GSDMD: variants seen among roughly 807,000 people sequenced by gnomAD.
The protein encoded by GSDMD is gasdermin D, also known as gasdermin-D.
A neutral mutation model predicts 46.7 loss-of-function variants in GSDMD; 46 were observed. That is an observed-to-expected ratio of 0.99 (90% CI 0.78 to 1.26). The LOEUF is 1.26. Among genes scored for constraint, GSDMD ranks in the 50% most tolerant of loss-of-function variants. The pLI, the probability that GSDMD is intolerant of heterozygous loss-of-function variation, is 0.00. For missense variants in GSDMD, 649 were observed against 638.8 expected, an observed-to-expected ratio of 1.02 and a Z score of -0.17; for synonymous variants, 307 against 283.1, an observed-to-expected ratio of 1.08 and a Z score of -0.85.
chr8:143,559,285 C>CA, intron 1 of GSDMD, 47 bp from the exon 2 acceptor site: 1 of 531,566 alleles, frequency 1.9e-6, no homozygotes, highest in Non-Finnish European at 3.6e-6. Flanking sequence ...CCCACTCCCT[C>CA]CCGCCCGCCC....
intron 1 of GSDMD, 48 bp from the exon 2 acceptor site, chr8:143,559,284 T>G: frequency 1.3e-5 from 3 of 222,474 alleles, no homozygotes; most frequent in Non-Finnish European, 1.7e-5. Flanking sequence ...TCCCACTCCC[T>G]CCCGCCCGCC....
chr8:143,558,862 A>C (rs1193957705), intron 1 of GSDMD: 1 of 512,756 alleles, frequency 2.0e-6, no homozygotes, highest in East Asian at 5.1e-5. Flanking sequence ...AGCCTTGGAC[A>C]GGTGGCTCAT....
At chr8:143,554,666 G>A (rs968717000), upstream of GSDMD, among the ~76,000 whole-genome samples, 6 of 143,070 alleles carry the variant, frequency 4.2e-5, no homozygotes, top group Non-Finnish European at 9.1e-5. Flanking sequence ...GCATACACAC[G>A]TGCACAAACA....
chr8:143,559,651 C>T, intron 2 of GSDMD, 99 bp downstream of exon 2: 1 of 1,433,406 alleles, frequency 7.0e-7, no homozygotes, highest in Non-Finnish European at 9.5e-7. Flanking sequence ...GCCTCTAGCT[C>T]TGGGCCTCTC....
chr8:143,553,649 CCTCCCA>C (rs1823250136), upstream of GSDMD: 1 of 147,494 alleles, frequency 6.8e-6, no homozygotes, highest in African/African-American at 2.4e-5. Context: ...CTCCCTCCCT[CCTCCCA>C]GGCTGACCTC....
At chr8:143,558,596 G>C in intron 1 of GSDMD, 145 bp downstream of exon 1, 2 of 860,334 alleles carry the variant, frequency 2.3e-6, no homozygotes, top group Non-Finnish European at 3.3e-6. Flanking sequence ...GGAAGCTCCA[G>C]GCTTCGGGAA....
chr8:143,561,117 TG>T lies in GSDMD; in HGVS notation c.682+18del. The T allele has an allele frequency of 1.2e-6, 2 of 1,608,954 alleles. No homozygotes were observed. Among genetic ancestry groups the T allele is most frequent in the Non-Finnish European group, 1.7e-6 (2 of 1,176,450 alleles). Reference sequence around the variant, plus strand: ...GACTCTGACTTGGGTGAGCTGGAGTTGGGGGTGTCTCGGGCCCAGGCCCTGG... The same window carrying T: ...GACTCTGACTTGGGTGAGCTGGAGTTGGGGTGTCTCGGGCCCAGGCCCTGG... On this transcript the variant is annotated intron_variant, in intron 5 of 10. Coordinates refer to ENST00000262580, the MANE Select transcript of GSDMD (RefSeq NM_024736.7).
At chr8:143,559,297 G>A (rs374204162) in intron 1 of GSDMD, 35 bp from the exon 2 acceptor site, 123 of 289,874 alleles carry the variant, frequency 4.2e-4, no homozygotes, top group Middle Eastern at 1.2e-3. Context: ...CGCCCGCCCC[G>A]AGAGCACAAT....
Position 143,562,467 on chromosome 8 carries a change from C to G in GSDMD, c.1158C>G (p.His386Gln), listed in dbSNP as rs777154727. 9.9e-6 allele frequency: 16 copies of G among 1,609,168 alleles called. 1 individual carries two copies. The South Asian group carries it at 1.3e-4, about 13-fold the overall frequency. The stretch of plus-strand genomic sequence containing the variant: ...TCCCAGTGCTGAGTGAAACGCAGCA[C>G]AAGCTGCTGGCGGAGGCGCTGGAGT... Reference protein sequence around the residue: ...GALTMLSETQHKLLAEALESQ... With the variant: ...GALTMLSETQQKLLAEALESQ... Residue 386 changes from histidine to glutamine, a missense_variant, in exon 10 of 11, where the codon CAC (histidine) becomes CAG (glutamine). Coordinates refer to ENST00000262580, the MANE Select transcript of GSDMD (RefSeq NM_024736.7).
At chr8:143,559,698 C>G (rs1823402205) in intron 2 of GSDMD, 79 bp from the exon 3 acceptor site, 6 of 1,485,192 alleles carry the variant, frequency 4.0e-6, no homozygotes, top group Admixed American at 4.2e-5. Flanking sequence ...GTCCCTCTGC[C>G]CTGGGGCTGG....
rs2130571978 is a variant in GSDMD at position 143,561,730 on chromosome 8, G to A, written c.737-12G>A. On this transcript the variant is annotated splice_polypyrimidine_tract_variant and intron_variant, in intron 6 of 10. Transcript: ENST00000262580. ...GCACTGACCAGCCCTGCCCTCCCATGCCCCTGCCCAGGCCACAAGCGTTCC... is the reference window on the plus strand; with the variant it reads ...GCACTGACCAGCCCTGCCCTCCCATACCCCTGCCCAGGCCACAAGCGTTCC... The A allele has an allele frequency of 6.3e-7, 1 of 1,599,214 alleles. No homozygotes were observed. The highest frequency in any genetic ancestry group is 1.1e-5 in the South Asian group (1 of 89,314).
chr8:143,561,728 A>G lies in GSDMD; in HGVS notation c.737-14A>G, dbSNP rs780203444. ...CGGCACTGACCAGCCCTGCCCTCCC[A>G]TGCCCCTGCCCAGGCCACAAGCGTT... On this transcript the variant is annotated splice_polypyrimidine_tract_variant and intron_variant, in intron 6 of 10. Transcript: ENST00000262580. The G allele has an allele frequency of 1.3e-6, 2 of 1,598,070 alleles. No homozygotes were observed. The highest frequency in any genetic ancestry group is 1.7e-5 in the Admixed American group (1 of 58,506).
upstream of GSDMD, among the ~76,000 whole-genome samples, chr8:143,557,587 G>T (rs1205227106): frequency 6.6e-6 from 1 of 152,260 alleles, no homozygotes; most frequent in African/African-American, 2.4e-5. Flanking sequence ...GCTAGGAGTG[G>T]AATTGCTGGG....
chr8:143,561,877 C>T (rs1823470430), intron 7 of GSDMD, 49 bp downstream of exon 7: 6 of 1,609,326 alleles, frequency 3.7e-6, no homozygotes, highest in South Asian at 1.1e-5. Context: ...GCTCTCCTGC[C>T]CCCTGGGGTC....
intron 6 of GSDMD, 113 bp from the exon 7 acceptor site, chr8:143,561,629 G>A: frequency 1.0e-6 from 1 of 994,276 alleles, no homozygotes; most frequent in Non-Finnish European, 1.5e-6. Flanking sequence ...TGGGCTGCCA[G>A]TGTTGGCAGT....
upstream of GSDMD, among the ~76,000 whole-genome samples, chr8:143,553,989 C>G (rs954582545): frequency 5.0e-4 from 75 of 148,938 alleles, 11 homozygotes; most frequent in Non-Finnish European, 7.3e-4. Flanking sequence ...AGGCAAGGCC[C>G]GCCCTGCACT....
chr8:143,559,019 C>T (rs1268889125), intron 1 of GSDMD: 2 of 438,640 alleles, frequency 4.6e-6, no homozygotes, highest in East Asian at 7.2e-5. Context: ...CAGCTTGTTT[C>T]CTCCCAGCCA....
In GSDMD at chr8:143,560,591, C is replaced by T; in HGVS notation, c.411-12C>T. On this transcript the variant is annotated splice_polypyrimidine_tract_variant and intron_variant, in intron 3 of 10. Transcript: ENST00000262580. ...CTGCGGCCCAGCGAGCTTTGCTGCT[C>T]CTCGGACACAGGCACCTGCGGCAGC... 1.3e-6 allele frequency: 2 copies of T among 1,571,542 alleles called. No homozygotes were observed. The highest frequency in any genetic ancestry group is 1.2e-5 in the South Asian group (1 of 85,942).
Position 143,563,048 on chromosome 8 carries a change from G to A in GSDMD, c.*144G>A. 1 of 1,073,114 alleles carries A rather than the reference G, an allele frequency of 9.3e-7. No homozygotes were observed. Among genetic ancestry groups the A allele is most frequent in the South Asian group, 1.3e-5 (1 of 75,028 alleles). 66.5% of individuals were successfully genotyped at this position (1,073,114 alleles called of 1,614,324 possible). On this transcript the variant is annotated 3_prime_UTR_variant, in exon 11 of 11. Coordinates refer to ENST00000262580, the MANE Select transcript of GSDMD (RefSeq NM_024736.7). ...GGAGTTGGGGAAACACAATAAAGGT[G>A]GCATACGAAGGAAAGGCTGGTAGCA...
Sources: gnomAD v4.1 joint callset for allele counts (sites outside exome capture counted in the v4.1 genomes callset) on GRCh38, gnomAD v4.1.1 for gene constraint, MANE v1.5 for transcripts, NCBI Gene and HGNC (gene_info 2026-07-23, HGNC 2026-07-21) for gene names.